LRP1B: variants seen among roughly 807,000 people sequenced by gnomAD.
LRP1B encodes the protein low-density lipoprotein receptor-related protein 1B.
Under a neutral mutation model 556.6 loss-of-function variants are expected in LRP1B, and 217 were observed. The observed-to-expected ratio is 0.39, with a 90% CI of 0.35 to 0.44. The LOEUF (loss-of-function observed/expected upper bound fraction) is 0.44. Among genes scored for constraint, LRP1B ranks in the 20% least tolerant of loss-of-function variants. LRP1B has a pLI of 1.00. For synonymous variants in LRP1B, 2,047 were observed against 1,865.8 expected (o/e 1.10, Z -2.50); for missense variants, 5,053 against 5,620.8 (o/e 0.90, Z 3.23).
intron 3 of LRP1B, among the ~76,000 whole-genome samples, chr2:141,257,193 C>T (rs187966519): frequency 1.1e-4 from 17 of 151,960 alleles, no homozygotes; most frequent in Admixed American, 1.1e-3. Flanking sequence ...TAGAGTGGAG[C>T]AGTGAAGACA....
chr2:141,037,683 T>C (rs1294462865), intron 11 of LRP1B, among the ~76,000 whole-genome samples: 1 of 151,938 alleles, frequency 6.6e-6, no homozygotes, highest in Non-Finnish European at 1.5e-5. Flanking sequence ...CAGATAAATA[T>C]CTTTGATCTA....
At chr2:140,666,676 T>C (rs141094665) in intron 41 of LRP1B, among the ~76,000 whole-genome samples, 2 of 152,174 alleles carry the variant, frequency 1.3e-5, no homozygotes. Context: ...AAAAAACAAC[T>C]CATAGTACAT....
intron 1 of LRP1B, among the ~76,000 whole-genome samples, chr2:141,987,560 T>TTC (rs757073207): frequency 9.3e-5 from 14 of 150,902 alleles, no homozygotes; most frequent in South Asian, 2.1e-4. Flanking sequence ...TTTTTTTTTT[T>TTC]TTTCTTTCTT....
chr2:140,547,174 AGTT>A, intron 43 of LRP1B, among the ~76,000 whole-genome samples: 1 of 152,096 alleles, frequency 6.6e-6, no homozygotes, highest in African/African-American at 2.4e-5. Flanking sequence ...TCATGGAATG[AGTT>A]GTTGAAGATT....
chr2:140,240,800 C>A (rs571699476), intron 87 of LRP1B, among the ~76,000 whole-genome samples: 173 of 150,914 alleles, frequency 1.1e-3, no homozygotes, highest in African/African-American at 3.8e-3. Context: ...ATGAATTTTT[C>A]AGGCAAATAC....
At chr2:140,442,441 T>C in intron 66 of LRP1B, 63 bp downstream of exon 66, 1 of 1,557,800 alleles carries the variant, frequency 6.4e-7, no homozygotes, top group Non-Finnish European at 8.7e-7. Flanking sequence ...TTTGTTTAAC[T>C]GTGGTTGTCG....
chr2:141,414,315 GAAAGAGAT>G (rs1344201311), intron 3 of LRP1B, among the ~76,000 whole-genome samples: 3 of 147,328 alleles, frequency 2.0e-5, no homozygotes, highest in East Asian at 4.1e-4. Flanking sequence ...AAAGAAAAAA[GAAAGAGAT>G]AAAGAGAGAA....
At chr2:141,434,622 T>G (rs953748420) in intron 3 of LRP1B, among the ~76,000 whole-genome samples, 1 of 152,146 alleles carries the variant, frequency 6.6e-6, no homozygotes, top group Non-Finnish European at 1.5e-5. Flanking sequence ...CCTGATAATT[T>G]TTCCTTGTAT....
chr2:141,839,690 AATCT>A (rs1697400753), intron 1 of LRP1B, among the ~76,000 whole-genome samples: 1 of 152,174 alleles, frequency 6.6e-6, no homozygotes, highest in Admixed American at 6.5e-5. Flanking sequence ...AAGTAAAGAA[AATCT>A]ATCTGATACT....
intron 1 of LRP1B, among the ~76,000 whole-genome samples, chr2:141,865,305 A>AC (rs1698371756): frequency 6.6e-6 from 1 of 152,156 alleles, no homozygotes; most frequent in African/African-American, 2.4e-5. Context: ...TCATCAAGAC[A>AC]GAAATGGCCG....
At chr2:140,397,395 G>A (rs991215772) in intron 66 of LRP1B, among the ~76,000 whole-genome samples, 2 of 151,912 alleles carry the variant, frequency 1.3e-5, no homozygotes, top group African/African-American at 4.8e-5. Flanking sequence ...TCCCCTCCCT[G>A]TGTCCATGTG....
chr2:141,677,160 G>GA (rs1690915041), intron 2 of LRP1B, among the ~76,000 whole-genome samples: 2 of 152,006 alleles, frequency 1.3e-5, no homozygotes, highest in African/African-American at 2.4e-5. Context: ...CCTGAAGAAC[G>GA]AATACAAATT....
intron 63 of LRP1B, among the ~76,000 whole-genome samples, chr2:140,447,872 T>G (rs1481980097): frequency 3.3e-5 from 5 of 151,954 alleles, no homozygotes; most frequent in African/African-American, 1.2e-4. Context: ...TTGTTATGCT[T>G]AGGGAAAAAG....
chr2:140,731,547 A>T (rs111427835), intron 35 of LRP1B, among the ~76,000 whole-genome samples: 6,892 of 152,146 alleles, frequency 0.045, 227 homozygotes, highest in Admixed American at 0.095. Flanking sequence ...AGGTGGGAGG[A>T]TCACGAGGTC....
intron 1 of LRP1B, among the ~76,000 whole-genome samples, chr2:141,810,848 A>T (rs894933576): frequency 6.6e-6 from 1 of 152,056 alleles, no homozygotes; most frequent in Non-Finnish European, 1.5e-5. Context: ...ATTTCTGAGT[A>T]TTCAGTTCTT....
chr2:140,647,860 C>A lies in LRP1B; in HGVS notation c.6800-46221G>T, dbSNP rs560209039. On this transcript the variant is annotated intron_variant, in intron 41 of 90. Coordinates refer to ENST00000389484, the MANE Select transcript of LRP1B (RefSeq NM_018557.3). ...TTGGTGGGACTGTAAACTAGTTCAA[C>A]CATTGTGGAAGACAGTGTGGCGATT... Among the ~76,000 whole-genome samples, 19 of 152,180 alleles carry A rather than the reference C, an allele frequency of 1.2e-4. No homozygotes were observed. The South Asian group carries it at 3.3e-3, about 27-fold the overall frequency.
At chr2:141,478,355 T>TCATA (rs1055835848) in intron 3 of LRP1B, among the ~76,000 whole-genome samples, 1 of 152,146 alleles carries the variant, frequency 6.6e-6, no homozygotes, top group Admixed American at 6.5e-5. Context: ...AAAAGCTTAG[T>TCATA]CATACATATC....
At chr2:141,141,225 C>A (rs1251607987) in intron 7 of LRP1B, among the ~76,000 whole-genome samples, 2 of 152,014 alleles carry the variant, frequency 1.3e-5, no homozygotes, top group African/African-American at 2.4e-5. Context: ...CAAATCAGAT[C>A]GGATTAATAG....
In LRP1B at chr2:141,125,773, G is replaced by T. The variant is rs551521270; in HGVS notation, c.1013+62648C>A. Among the ~76,000 whole-genome samples, 7 of 148,058 alleles carry T rather than the reference G, an allele frequency of 4.7e-5. No homozygotes were observed. The East Asian group carries it at 1.4e-3, about 30-fold the overall frequency. ...ATTTAGGAGAAGTTTAAGAATCATG[G>T]GCTCAGGCTCTATACCTATAAGGTT... On this transcript the variant is annotated intron_variant, in intron 7 of 90. Transcript: ENST00000389484.
Sources: allele counts gnomAD v4.1 joint callset (sites outside exome capture counted in the v4.1 genomes callset), GRCh38; gene constraint gnomAD v4.1.1; transcripts MANE v1.5; gene names NCBI Gene and HGNC (gene_info 2026-07-23, HGNC 2026-07-21).